SDHAF3: variants seen among roughly 807,000 people sequenced by gnomAD.
The protein encoded by SDHAF3 is succinate dehydrogenase assembly factor 3, mitochondrial.
In SDHAF3, 18 loss-of-function variants were observed where a neutral mutation model predicts 11.5. The observed-to-expected ratio is 1.56, with a 90% CI of 1.08 to 2.32. SDHAF3 has a LOEUF of 2.32. SDHAF3 is among the 30% of genes most tolerant of loss of function. SDHAF3 has a pLI of 0.00. For synonymous variants in SDHAF3, 72 were observed against 59.3 expected (o/e 1.21, Z -0.99); for missense variants, 200 against 154.4 (o/e 1.30, Z -1.57).
At chr7:97,145,043 A>AT (rs1378404955) in intron 1 of SDHAF3, among the ~76,000 whole-genome samples, 49 of 138,652 alleles carry the variant, frequency 3.5e-4, no homozygotes, top group Middle Eastern at 3.7e-3. Context: ...ATTCCTAAGT[A>AT]TTTTTTGTTT....
intron 1 of SDHAF3, among the ~76,000 whole-genome samples, chr7:97,134,821 CCTGA>C (rs925238195): frequency 3.3e-5 from 5 of 152,080 alleles, no homozygotes; most frequent in African/African-American, 9.7e-5. Flanking sequence ...TCATAACACC[CCTGA>C]CTGTTTAATG....
At chr7:97,141,602 A>T (rs1789043170) in intron 1 of SDHAF3, among the ~76,000 whole-genome samples, 1 of 152,034 alleles carries the variant, frequency 6.6e-6, no homozygotes, top group South Asian at 2.1e-4. Flanking sequence ...CGAACCCACG[A>T]CCCTGAGATT....
In SDHAF3 at chr7:97,130,726, TAGTG is replaced by T. The variant is rs1791656726; in HGVS notation, c.174+12833_174+12836del. Among the ~76,000 whole-genome samples, 7 of 152,224 alleles carry T rather than the reference TAGTG, an allele frequency of 4.6e-5. 1 individual carries two copies. The South Asian group carries it at 1.5e-3, about 32-fold the overall frequency. ...GAATAGGGTTATGGGGACAACCACA[TAGTG>T]AGTAAGGTGGAGAAGAGTTTTATTC... On this transcript the variant is annotated intron_variant, in intron 1 of 1. Transcript: ENST00000432641.
chr7:97,179,149 A>G (rs1231140554), intron 1 of SDHAF3, among the ~76,000 whole-genome samples: 3 of 152,192 alleles, frequency 2.0e-5, no homozygotes, highest in Non-Finnish European at 2.9e-5. Flanking sequence ...AATTGGCTAT[A>G]TATGTAAGGA....
chr7:97,170,105 T>G (rs566365202), intron 1 of SDHAF3, among the ~76,000 whole-genome samples: 1 of 152,150 alleles, frequency 6.6e-6, no homozygotes, highest in South Asian at 2.1e-4. Flanking sequence ...TTCGTTTTTT[T>G]TTTTTAACGT....
chr7:97,142,420 A>T (rs1443167751), intron 1 of SDHAF3, among the ~76,000 whole-genome samples: 1 of 152,130 alleles, frequency 6.6e-6, no homozygotes, highest in Non-Finnish European at 1.5e-5. Context: ...GTATTTTATA[A>T]ATATGTGAGA....
chr7:97,169,063 G>A (rs1334697784), intron 1 of SDHAF3, among the ~76,000 whole-genome samples: 2 of 152,166 alleles, frequency 1.3e-5, no homozygotes, highest in African/African-American at 4.8e-5. Flanking sequence ...TGGGTGCGGT[G>A]GCTCATGCCT....
At chr7:97,139,160 T>G (rs1479989398) in intron 1 of SDHAF3, among the ~76,000 whole-genome samples, 6 of 152,220 alleles carry the variant, frequency 3.9e-5, no homozygotes. Context: ...CGGTGGTTCC[T>G]GAGTTCTTGT....
intron 1 of SDHAF3, among the ~76,000 whole-genome samples, chr7:97,127,897 G>GTTTTTTTT (rs920829054): frequency 9.4e-6 from 1 of 106,262 alleles, no homozygotes; most frequent in Non-Finnish European, 1.8e-5. Flanking sequence ...TCTACATCAA[G>GTTTTTTTT]TTTTTTTTTT....
chr7:97,159,126 A>G (rs1337767479), intron 1 of SDHAF3, among the ~76,000 whole-genome samples: 1 of 152,238 alleles, frequency 6.6e-6, no homozygotes, highest in Non-Finnish European at 1.5e-5. Context: ...TATTATTCAC[A>G]TAATTAGTGC....
At chr7:97,146,788 CTT>C (rs752676493) in intron 1 of SDHAF3, among the ~76,000 whole-genome samples, 24 of 139,432 alleles carry the variant, frequency 1.7e-4, no homozygotes, top group South Asian at 2.3e-4. Context: ...TAATAGGTAC[CTT>C]TTTTTTTTTT....
chr7:97,131,823 T>C (rs1230813733), intron 1 of SDHAF3, among the ~76,000 whole-genome samples: 1 of 152,168 alleles, frequency 6.6e-6, no homozygotes, highest in Non-Finnish European at 1.5e-5. Context: ...ACAAAGATGT[T>C]AATTGCTGTG....
At chr7:97,121,753 A>G (rs1465824616) in intron 1 of SDHAF3, among the ~76,000 whole-genome samples, 1 of 152,194 alleles carries the variant, frequency 6.6e-6, no homozygotes, top group Non-Finnish European at 1.5e-5. Context: ...GAGTAGGTCA[A>G]ATTTACCATA....
intron 1 of SDHAF3, among the ~76,000 whole-genome samples, chr7:97,152,633 T>C (rs1789242829): frequency 3.5e-5 from 2 of 57,506 alleles, no homozygotes; most frequent in South Asian, 1.9e-3. Context: ...TCTGAGCCAT[T>C]ATTTTGTTTA....
chr7:97,174,427 T>C (rs1260865243), intron 1 of SDHAF3, among the ~76,000 whole-genome samples: 1 of 152,188 alleles, frequency 6.6e-6, no homozygotes, highest in Non-Finnish European at 1.5e-5. Flanking sequence ...ATTGATGCAA[T>C]ATTATATTGT....
At chr7:97,167,254 T>C (rs1789521304) in intron 1 of SDHAF3, among the ~76,000 whole-genome samples, 1 of 152,112 alleles carries the variant, frequency 6.6e-6, no homozygotes, top group South Asian at 2.1e-4. Flanking sequence ...GATCTGATGG[T>C]TTAAAAGTGT....
intron 1 of SDHAF3, among the ~76,000 whole-genome samples, chr7:97,168,713 T>C (rs537062044): frequency 8.5e-5 from 13 of 152,286 alleles, no homozygotes; most frequent in African/African-American, 3.1e-4. Flanking sequence ...GACTCCAAGG[T>C]GAGAGGTTTC....
At chr7:97,159,917 G>A (rs924805084) in intron 1 of SDHAF3, among the ~76,000 whole-genome samples, 13 of 152,144 alleles carry the variant, frequency 8.5e-5, no homozygotes, top group African/African-American at 2.9e-4. Context: ...TCTCTACTCC[G>A]CCATATTTGC....
chr7:97,135,212 AC>A (rs796380499), intron 1 of SDHAF3: 37 of 152,236 alleles, frequency 2.4e-4, no homozygotes, highest in African/African-American at 8.7e-4. Flanking sequence ...AGGGTACTCT[AC>A]ATCATACCTA....
Sources: allele counts gnomAD v4.1 joint callset (sites outside exome capture counted in the v4.1 genomes callset), GRCh38; gene constraint gnomAD v4.1.1; transcripts MANE v1.5; gene names NCBI Gene and HGNC (gene_info 2026-07-23, HGNC 2026-07-21).